PCDH7: variants seen among roughly 807,000 people sequenced by gnomAD.
PCDH7 encodes protocadherin-7.
In PCDH7, 17 loss-of-function variants were observed where a neutral mutation model predicts 58.9. That is an observed-to-expected ratio of 0.29 (90% confidence interval 0.20 to 0.43). The LOEUF (loss-of-function observed/expected upper bound fraction) is 0.43, where lower values mean the gene tolerates loss of function less well. Ranked by LOEUF, PCDH7 falls within the 20% of genes least tolerant of loss-of-function variation. The pLI is 1.00. For missense variants in PCDH7, 1,274 were observed against 1,441.0 expected, an observed-to-expected ratio of 0.88 and a Z score of 1.88; for synonymous variants, 664 against 616.4, an observed-to-expected ratio of 1.08 and a Z score of -1.14.
intron 3 of PCDH7, among the ~76,000 whole-genome samples, chr4:30,961,273 G>A (rs978876726): frequency 1.4e-4 from 21 of 151,966 alleles, no homozygotes; most frequent in African/African-American, 3.1e-4. Context: ...CGCCGGGCAC[G>A]GTGGCTCATG....
At chr4:31,112,628 AT>A (rs1350220445) in intron 3 of PCDH7, among the ~76,000 whole-genome samples, 2 of 152,176 alleles carry the variant, frequency 1.3e-5, no homozygotes, top group Non-Finnish European at 2.9e-5. Context: ...TGTTTACAGT[AT>A]TTAAAATAAA....
chr4:30,786,208 A>G (rs763321222), intron 1 of PCDH7, among the ~76,000 whole-genome samples: 28 of 152,208 alleles, frequency 1.8e-4, no homozygotes, highest in Admixed American at 4.6e-4. Flanking sequence ...CCCAATTTCT[A>G]TAGAGAAAGT....
Position 31,114,968 on chromosome 4 carries a change from C to T in PCDH7, c.*8-27505C>T, listed in dbSNP as rs114056046. Reference sequence around the variant, plus strand: ...TTTTTCTCCCATTAGCTATTCAACGCCCTTTGTCTATTTATATTCATTATT... The same window carrying T: ...TTTTTCTCCCATTAGCTATTCAACGTCCTTTGTCTATTTATATTCATTATT... On this transcript the variant is annotated intron_variant, in intron 3 of 3. Coordinates refer to the PCDH7 transcript ENST00000509759. Among the ~76,000 whole-genome samples the T allele has an allele frequency of 7.8e-3, 1,188 of 152,222 alleles. 15 individuals are homozygous for T. Among genetic ancestry groups the T allele is most frequent in the African/African-American group, 0.027 (1,134 of 41,540 alleles).
chr4:30,802,292 A>C (rs1235512922), intron 1 of PCDH7, among the ~76,000 whole-genome samples: 1 of 87,398 alleles, frequency 1.1e-5, no homozygotes, highest in East Asian at 3.2e-4. Context: ...GTAGCCAGGC[A>C]AGAAAATTAT....
intron 1 of PCDH7, among the ~76,000 whole-genome samples, chr4:30,728,413 T>C (rs1230167013): frequency 2.6e-5 from 4 of 151,712 alleles, no homozygotes; most frequent in Non-Finnish European, 4.4e-5. Context: ...ATTTTTACAA[T>C]GTTTTTCTCC....
chr4:30,844,045 C>T (rs6816969), intron 1 of PCDH7, among the ~76,000 whole-genome samples: 74,189 of 151,624 alleles, frequency 0.49, 20,413 homozygotes, highest in African/African-American at 0.77. Context: ...TCTCTTGCTT[C>T]CAGCGTCCAG....
At chr4:31,133,581 C>T (rs189791307) in intron 3 of PCDH7, among the ~76,000 whole-genome samples, 2 of 152,286 alleles carry the variant, frequency 1.3e-5, no homozygotes, top group Non-Finnish European at 2.9e-5. Context: ...GTTATTTCCT[C>T]TCCACGCTGC....
At chr4:30,762,623 C>T (rs1178759465) in intron 1 of PCDH7, among the ~76,000 whole-genome samples, 3 of 152,060 alleles carry the variant, frequency 2.0e-5, no homozygotes, top group East Asian at 3.9e-4. Flanking sequence ...AAATAGTTTA[C>T]CCCTTGAGGA....
intron 3 of PCDH7, among the ~76,000 whole-genome samples, chr4:31,035,805 T>G (rs1755363260): frequency 6.6e-6 from 1 of 152,150 alleles, no homozygotes; most frequent in African/African-American, 2.4e-5. Flanking sequence ...TAAAGTTCCT[T>G]GAGGATGTGG....
intron 3 of PCDH7, among the ~76,000 whole-genome samples, chr4:31,039,970 A>G (rs1350512516): frequency 6.6e-6 from 1 of 152,194 alleles, no homozygotes; most frequent in Non-Finnish European, 1.5e-5. Flanking sequence ...ATGTGCGTAG[A>G]TACAAACAGG....
intron 3 of PCDH7, among the ~76,000 whole-genome samples, chr4:30,958,908 G>C (rs777627795): frequency 2.0e-5 from 3 of 152,116 alleles, no homozygotes; most frequent in East Asian, 1.9e-4. Flanking sequence ...TTACTTAGTA[G>C]ATAATACCAT....
intron 3 of PCDH7, among the ~76,000 whole-genome samples, chr4:31,088,906 A>G (rs1325427068): frequency 6.6e-6 from 1 of 152,040 alleles, no homozygotes; most frequent in Non-Finnish European, 1.5e-5. Flanking sequence ...ATATGTTTTT[A>G]TGCTTTAATT....
intron 1 of PCDH7, among the ~76,000 whole-genome samples, chr4:30,912,666 A>G (rs1419253524): frequency 6.6e-6 from 1 of 152,212 alleles, no homozygotes; most frequent in African/African-American, 2.4e-5. Flanking sequence ...TCTGTAAGAC[A>G]AAGAGCAGTA....
intron 3 of PCDH7, among the ~76,000 whole-genome samples, chr4:30,959,234 C>T (rs1748153089): frequency 6.8e-6 from 1 of 147,764 alleles, no homozygotes; most frequent in Admixed American, 6.9e-5. Flanking sequence ...AACATTTTAG[C>T]AATTGGAAAG....
chr4:30,987,853 A>G (rs1751111185), intron 3 of PCDH7: 1 of 152,182 alleles, frequency 6.6e-6, no homozygotes, highest in Admixed American at 6.5e-5. Flanking sequence ...CCTAAGAAAT[A>G]CTTTTCTTAT....
intron 3 of PCDH7, among the ~76,000 whole-genome samples, chr4:31,004,071 G>T (rs73214966): frequency 0.1 from 15,331 of 152,144 alleles, 875 homozygotes; most frequent in Non-Finnish European, 0.13. Flanking sequence ...GAGCTTCCTT[G>T]GGGTCCTTAG....
intron 1 of PCDH7, among the ~76,000 whole-genome samples, chr4:30,756,405 C>A (rs1452546173): frequency 6.6e-6 from 1 of 152,026 alleles, no homozygotes; most frequent in Non-Finnish European, 1.5e-5. Flanking sequence ...TAGCACCCAC[C>A]CGGAAGATGA....
chr4:30,723,993 G>T lies in PCDH7; in HGVS notation c.2571G>T (p.Leu857Phe), dbSNP rs141847274. The change falls in exon 1 of 2, where the codon TTG becomes TTT. Residue 857 changes from leucine (L) to phenylalanine (F), a missense_variant. By Grantham distance (22) the Leu-to-Phe change is conservative. Transcript: ENST00000361762. The surrounding 1 kb of genome is among the most constrained non-coding windows in gnomAD (Gnocchi z 4.6). Reference sequence around the variant, plus strand: ...TTGACTCCCAGATAGCTAGAAGTTTGCACATCCCACTCACCCAGGATATAG... The same window carrying T: ...TTGACTCCCAGATAGCTAGAAGTTTTCACATCCCACTCACCCAGGATATAG... The T allele has an allele frequency of 1.1e-4, 184 of 1,614,028 alleles. 3 individuals carry two copies. In the South Asian group the frequency reaches 1.9e-3, roughly 17 times the overall value.
At chr4:30,988,594 G>A (rs1229588407) in intron 3 of PCDH7, among the ~76,000 whole-genome samples, 2 of 152,014 alleles carry the variant, frequency 1.3e-5, no homozygotes, top group Admixed American at 6.6e-5. Context: ...TATCATTTAA[G>A]TTATCATCAA....
Sources: allele counts gnomAD v4.1 joint callset (sites outside exome capture counted in the v4.1 genomes callset), GRCh38; gene constraint gnomAD v4.1.1; non-coding constraint Gnocchi (gnomAD v3.1); transcripts MANE v1.5; gene names NCBI Gene and HGNC (gene_info 2026-07-23, HGNC 2026-07-21).